Variants in KLHL15 observed in about 807,000 individuals in gnomAD.
KLHL15 encodes the protein kelch like family member 15, also known as kelch-like protein 15.
A neutral mutation model predicts 29.3 loss-of-function variants in KLHL15; 1 was observed. The ratio of observed to expected loss-of-function variants is 0.03; its 90% CI spans 0.01 to 0.16. The LOEUF (loss-of-function observed/expected upper bound fraction) is 0.16, where lower values mean the gene tolerates loss of function less well. KLHL15 is among the 10% of genes least tolerant of loss of function. The probability of loss-of-function intolerance (pLI) is 1.00; values close to 1 mark genes in which losing one functional copy is unlikely to be tolerated. For synonymous variants in KLHL15, 212 were observed against 184.5 expected, an observed-to-expected ratio of 1.15 and a Z score of -1.21; for missense variants, 215 against 478.5, an observed-to-expected ratio of 0.45 and a Z score of 5.14.
At chrX:24,008,109 T>C (rs1448614232) in intron 2 of KLHL15, among the ~76,000 whole-genome samples, 1 of 112,064 alleles carries the variant, frequency 8.9e-6, no homozygotes, top group Non-Finnish European at 1.9e-5. Context: ...ACAATAATGA[T>C]GTAATGCTTA....
intron 2 of KLHL15, among the ~76,000 whole-genome samples, chrX:24,018,878 G>C (rs929819746): frequency 1.2e-4 from 13 of 110,859 alleles, no homozygotes; most frequent in African/African-American, 4.3e-4. Context: ...TGGCATGTGC[G>C]TCTGATTCCA....
chrX:24,013,532 G>A (rs988256015), intron 2 of KLHL15, among the ~76,000 whole-genome samples: 4 of 110,628 alleles, frequency 3.6e-5, no homozygotes, highest in African/African-American at 6.6e-5. Flanking sequence ...CCAAAGTGCT[G>A]GGATTACAGG....
chrX:23,989,141 T>C (rs751115957), intron 3 of KLHL15, 111 bp from the exon 4 acceptor site: 50 of 606,612 alleles, frequency 8.2e-5, no homozygotes, highest in Non-Finnish European at 1.1e-4. Flanking sequence ...AAACTGCTTT[T>C]CCTGCTAAGA....
At chrX:24,002,349 A>G (rs1248900196) in intron 3 of KLHL15, among the ~76,000 whole-genome samples, 1 of 111,781 alleles carries the variant, frequency 8.9e-6, no homozygotes, top group Non-Finnish European at 1.9e-5. Flanking sequence ...AAAGACCATC[A>G]GAGCTAGTAA....
intron 3 of KLHL15, among the ~76,000 whole-genome samples, chrX:23,997,973 A>T (rs1929228756): frequency 9.1e-6 from 1 of 109,314 alleles, no homozygotes; most frequent in African/African-American, 3.3e-5. Context: ...GGTAGAAAAT[A>T]ATGTTTGAGA....
rs954859473 is a variant in KLHL15 at position 23,987,065 on chromosome X, G to A, written c.*856C>T. ...TTTACTTTTGAAAATAAAATATAAA[G>A]TGTTAGTTTTCATAACCATACATGT... On this transcript the variant is annotated 3_prime_UTR_variant, in exon 4 of 4. Coordinates refer to ENST00000328046, the MANE Select transcript of KLHL15 (RefSeq NM_030624.3). 8.9e-6 allele frequency: 1 copy of A among 112,503 alleles called. No individual in the cohort carries two copies. Among genetic ancestry groups the A allele is most frequent in the African/African-American group, 3.2e-5 (1 of 31,018 alleles). The allele number at this position is 112,503 out of a possible 1,213,427, so 9.3% of individuals were successfully genotyped here.
chrX:24,025,488 T>G (rs1929910339), intron 1 of KLHL15, among the ~76,000 whole-genome samples: 1 of 103,966 alleles, frequency 9.6e-6, no homozygotes, highest in Non-Finnish European at 2.0e-5. Context: ...TGCGCTGTCG[T>G]CTTGACGCGG....
chrX:24,020,863 CAAACT>C lies in KLHL15; in HGVS notation c.-8+3989_-8+3993del, dbSNP rs779651248. ...CAGTTCCTCATAAGAATTATACAAC[CAAACT>C]AAATATTTTGGAAAGTCTTGCTGTT... On this transcript the variant is annotated intron_variant, in intron 2 of 3. Transcript: ENST00000328046. 4.5e-5 allele frequency among the ~76,000 whole-genome samples: 5 copies of C among 111,752 alleles called. No homozygotes were observed. In the South Asian group the frequency reaches 1.8e-3, roughly 41 times the overall value.
chrX:24,004,683 G>A (rs1040250879), intron 3 of KLHL15, among the ~76,000 whole-genome samples: 2 of 109,114 alleles, frequency 1.8e-5, no homozygotes, highest in African/African-American at 6.7e-5. Flanking sequence ...CCAGCTACTC[G>A]GGAGGCTGAG....
At chrX:24,014,288 G>C (rs1479341679) in intron 2 of KLHL15, among the ~76,000 whole-genome samples, 1 of 111,080 alleles carries the variant, frequency 9.0e-6, no homozygotes, top group Admixed American at 9.7e-5. Flanking sequence ...TTTAATAATA[G>C]AAGGCTGGAA....
chrX:24,024,269 A>G (rs1050024110), intron 2 of KLHL15, among the ~76,000 whole-genome samples: 1 of 112,266 alleles, frequency 8.9e-6, no homozygotes, highest in Non-Finnish European at 1.9e-5. Context: ...GCTTATATTT[A>G]TAATATAGAA....
intron 3 of KLHL15, among the ~76,000 whole-genome samples, chrX:24,001,401 T>C (rs1357800911): frequency 1.8e-5 from 2 of 111,724 alleles, no homozygotes; most frequent in Admixed American, 1.9e-4. Context: ...ATACTGAAGA[T>C]ACCCTGGGTT....
intron 3 of KLHL15, among the ~76,000 whole-genome samples, chrX:24,002,498 A>C (rs1257006315): frequency 8.9e-6 from 1 of 112,076 alleles, no homozygotes; most frequent in Admixed American, 9.5e-5. Flanking sequence ...TTAAAATTTC[A>C]ATTTCTTTGA....
At chrX:23,999,097 C>T (rs1258251694) in intron 3 of KLHL15, among the ~76,000 whole-genome samples, 16 of 109,313 alleles carry the variant, frequency 1.5e-4, no homozygotes, top group African/African-American at 4.6e-4. Context: ...TTAGTAGAGA[C>T]GGAGTTTCAC....
intron 2 of KLHL15, among the ~76,000 whole-genome samples, chrX:24,022,341 TA>T (rs1354214505): frequency 0.15 from 6,233 of 41,067 alleles, 404 homozygotes; most frequent in African/African-American, 0.27. Context: ...TCTCAAAAGA[TA>T]AAAAAAAAAA....
At chrX:24,017,988 C>A (rs769310610) in intron 2 of KLHL15, among the ~76,000 whole-genome samples, 1 of 109,665 alleles carries the variant, frequency 9.1e-6, no homozygotes, top group South Asian at 3.9e-4. Flanking sequence ...TCCTGTGGCC[C>A]CAGCTACTTG....
rs1254991709 is a variant in KLHL15 at position 24,024,926 on chromosome X, T to C, written c.-77A>G. 6.7e-6 allele frequency: 2 copies of C among 296,558 alleles called. No individual in the cohort carries two copies. Among genetic ancestry groups the C allele is most frequent in the Non-Finnish European group, 1.2e-5 (2 of 169,893 alleles). The allele number at this position is 296,558 out of a possible 1,213,427, so 24.4% of individuals were successfully genotyped here. ...AGGAAGAACCGGGCCAGCGGGCCGA[T>C]GGGTGGGCGGTCGGGCGCCGGGACG... On this transcript the variant is annotated 5_prime_UTR_variant, in exon 2 of 4. Coordinates refer to ENST00000328046, the MANE Select transcript of KLHL15 (RefSeq NM_030624.3).
intron 3 of KLHL15, among the ~76,000 whole-genome samples, chrX:24,003,816 G>A (rs1049296459): frequency 1.8e-5 from 2 of 108,626 alleles, no homozygotes; most frequent in East Asian, 5.8e-4. Flanking sequence ...GGCCAGGCAC[G>A]GTGGCTCACA....
At chrX:24,005,484 T>G (rs975965067) in intron 3 of KLHL15, among the ~76,000 whole-genome samples, 1 of 111,629 alleles carries the variant, frequency 9.0e-6, no homozygotes, top group African/African-American at 3.3e-5. Flanking sequence ...AAAATCACCA[T>G]TAGGGCCTAT....
Sources: allele counts gnomAD v4.1 joint callset (sites outside exome capture counted in the v4.1 genomes callset), GRCh38; gene constraint gnomAD v4.1.1; transcripts MANE v1.5; gene names NCBI Gene and HGNC (gene_info 2026-07-23, HGNC 2026-07-21).